DNM3: variants seen among roughly 807,000 people sequenced by gnomAD.
The protein encoded by DNM3 is dynamin-3.
In DNM3, 47 loss-of-function variants were observed where a neutral mutation model predicts 101.6. The observed-to-expected ratio is 0.46, with a 90% CI of 0.37 to 0.59. The LOEUF (loss-of-function observed/expected upper bound fraction) is 0.59. Ranked by LOEUF, DNM3 falls within the 20% of genes least tolerant of loss-of-function variation. The pLI, the probability that DNM3 is intolerant of heterozygous loss-of-function variation, is 0.00. For missense variants in DNM3, 849 were observed against 1,085.7 expected, an observed-to-expected ratio of 0.78 and a Z score of 3.06; for synonymous variants, 385 against 387.9, an observed-to-expected ratio of 0.99 and a Z score of 0.09.
intron 18 of DNM3, 137 bp downstream of exon 18, chr1:172,379,319 C>A: frequency 1.2e-6 from 1 of 825,204 alleles, no homozygotes; most frequent in Non-Finnish European, 1.9e-6. Context: ...TTCCATTAGA[C>A]GTGATATGTG....
rs769829449 is a variant in DNM3, at chr1:171,921,223, C to T, written c.162-525C>T. 2.1e-4 allele frequency among the ~76,000 whole-genome samples: 32 copies of T among 151,690 alleles called. 1 individual carries two copies. The Middle Eastern group carries it at 0.014, about 65-fold the overall frequency. ...TCAGCCTCCCATAGTGCTGGGATTA[C>T]AGGTGTGGAACACTGTGCCCGGCCT... On this transcript the variant is annotated intron_variant, in intron 1 of 20. Transcript: ENST00000627582.
At chr1:171,931,400 C>T (rs2040995114) in intron 2 of DNM3, among the ~76,000 whole-genome samples, 1 of 152,136 alleles carries the variant, frequency 6.6e-6, no homozygotes, top group Non-Finnish European at 1.5e-5. Context: ...ATTTGTAACA[C>T]TGTTTGTGGC....
intron 14 of DNM3, among the ~76,000 whole-genome samples, chr1:172,202,000 G>A (rs1047069819): frequency 9.9e-5 from 15 of 152,132 alleles, no homozygotes; most frequent in East Asian, 3.9e-4. Flanking sequence ...CCCTGGCTCC[G>A]TGTTGCTCCC....
chr1:172,009,945 T>A (rs2047001307), intron 4 of DNM3, among the ~76,000 whole-genome samples: 1 of 151,894 alleles, frequency 6.6e-6, no homozygotes, highest in South Asian at 2.1e-4. Context: ...GTTATATCCT[T>A]AACTATATTT....
At chr1:172,120,413 A>T (rs906822971) in intron 13 of DNM3, among the ~76,000 whole-genome samples, 6 of 152,164 alleles carry the variant, frequency 3.9e-5, no homozygotes, top group African/African-American at 1.2e-4. Context: ...ACAATTCAAG[A>T]TGAAATTTGC....
chr1:172,289,961 T>A, intron 15 of DNM3: 1 of 924,280 alleles, frequency 1.1e-6, no homozygotes, highest in Non-Finnish European at 1.3e-6. Context: ...CAATTTATAG[T>A]CCTAATTTAT....
intron 17 of DNM3, among the ~76,000 whole-genome samples, chr1:172,351,357 T>C (rs2067194163): frequency 6.6e-6 from 1 of 152,182 alleles, no homozygotes; most frequent in Non-Finnish European, 1.5e-5. Context: ...AATTGATGGT[T>C]TTCTCCAAAT....
At chr1:172,391,086 C>T (rs141383313) in intron 20 of DNM3, among the ~76,000 whole-genome samples, 8 of 152,218 alleles carry the variant, frequency 5.3e-5, no homozygotes, top group African/African-American at 1.4e-4. Context: ...AGCTGGATGG[C>T]CGGCACATGG....
At chr1:171,863,220 G>A (rs1413347741) in intron 1 of DNM3, among the ~76,000 whole-genome samples, 1 of 152,056 alleles carries the variant, frequency 6.6e-6, no homozygotes, top group Non-Finnish European at 1.5e-5. Flanking sequence ...GAAGAGAGAG[G>A]CAGGACATGC....
At chr1:172,276,557 A>ATATGTGTGTGTG (rs1553218156) in intron 15 of DNM3, among the ~76,000 whole-genome samples, 2 of 144,366 alleles carry the variant, frequency 1.4e-5, no homozygotes, top group East Asian at 2.0e-4. Flanking sequence ...AAAAATCTTA[A>ATATGTGTGTGTG]TGTGTGTGTG....
intron 14 of DNM3, among the ~76,000 whole-genome samples, chr1:172,210,231 A>C (rs1371010950): frequency 6.6e-6 from 1 of 151,838 alleles, no homozygotes; most frequent in Non-Finnish European, 1.5e-5. Context: ...TTAAGTCTTC[A>C]GATTCCTAAG....
chr1:172,125,325 G>A (rs904182398), intron 13 of DNM3, among the ~76,000 whole-genome samples: 2 of 152,166 alleles, frequency 1.3e-5, no homozygotes, highest in African/African-American at 4.8e-5. Context: ...GGCCACACTA[G>A]AAGTCTTCCA....
intron 16 of DNM3, among the ~76,000 whole-genome samples, chr1:172,315,034 G>A (rs1285618279): frequency 1.4e-4 from 21 of 152,168 alleles, no homozygotes; most frequent in Admixed American, 1.0e-3. Flanking sequence ...GTACTCCTCT[G>A]AGACAAAACT....
At chr1:172,240,663 T>A (rs2061715701) in intron 14 of DNM3, among the ~76,000 whole-genome samples, 1 of 152,188 alleles carries the variant, frequency 6.6e-6, no homozygotes, top group African/African-American at 2.4e-5. Flanking sequence ...GTAAGCATAA[T>A]TTCAGTTTGT....
chr1:172,062,615 C>G (rs2051328383), intron 10 of DNM3, among the ~76,000 whole-genome samples: 1 of 152,126 alleles, frequency 6.6e-6, no homozygotes. Context: ...CCACTTGGTC[C>G]CAGTTCACCT....
Position 171,974,393 on chromosome 1 carries a change from A to G in DNM3, c.236-13263A>G, listed in dbSNP as rs552882233. ...TTTTTCCACTCCCATAATTTTATCT[A>G]TTTTGCAAAAGAAATTGATTACTTT... On this transcript the variant is annotated intron_variant, in intron 2 of 20. Coordinates refer to ENST00000627582, the MANE Select transcript of DNM3 (RefSeq NM_015569.5). 6.6e-5 allele frequency among the ~76,000 whole-genome samples: 10 copies of G among 152,142 alleles called. No individual in the cohort carries two copies. In the South Asian group the frequency reaches 1.2e-3, roughly 19 times the overall value.
chr1:172,179,525 AG>A (rs2059271160), intron 14 of DNM3, among the ~76,000 whole-genome samples: 1 of 152,032 alleles, frequency 6.6e-6, no homozygotes, highest in South Asian at 2.1e-4. Flanking sequence ...AGAGGGGAGA[AG>A]TTTTTTTTGC....
intron 20 of DNM3, among the ~76,000 whole-genome samples, chr1:172,394,764 C>T (rs1198145339): frequency 6.6e-6 from 1 of 152,134 alleles, no homozygotes; most frequent in Non-Finnish European, 1.5e-5. Flanking sequence ...GAAAAATGCA[C>T]AGTAGAGGAT....
intron 13 of DNM3, among the ~76,000 whole-genome samples, chr1:172,117,194 A>G (rs1386982429): frequency 3.3e-5 from 5 of 151,738 alleles, no homozygotes; most frequent in African/African-American, 1.2e-4. Context: ...AACAAGAGCA[A>G]AACTCCATCT....
Sources: allele counts gnomAD v4.1 joint callset (sites outside exome capture counted in the v4.1 genomes callset), GRCh38; gene constraint gnomAD v4.1.1; transcripts MANE v1.5; gene names NCBI Gene and HGNC (gene_info 2026-07-23, HGNC 2026-07-21).